ROBO2: variants seen among roughly 807,000 people sequenced by gnomAD.
The protein encoded by ROBO2 is roundabout guidance receptor 2, also known as roundabout homolog 2.
ROBO2 carries 53 observed loss-of-function variants against 160.8 expected under a neutral mutation model. That is an observed-to-expected ratio of 0.33 (90% CI 0.26 to 0.41). ROBO2 has a LOEUF of 0.41. Ranked by LOEUF, ROBO2 falls within the 10% of genes least tolerant of loss-of-function variation. ROBO2 has a pLI of 1.00. For missense variants in ROBO2, 1,577 were observed against 1,722.4 expected (o/e 0.92, Z 1.49); for synonymous variants, 664 against 611.7 (o/e 1.09, Z -1.26).
rs149267873 is a variant in ROBO2, at chr3:76,991,651, T to C, written c.110-106363T>C. On this transcript the variant is annotated intron_variant, in intron 2 of 26. Transcript: ENST00000487694. The stretch of plus-strand genomic sequence containing the variant: ...TTCAAAGAAAAAGTATTCTTTACCA[T>C]AGAAAATCTAGATAAAGCCCTAATG... Among the ~76,000 whole-genome samples, 882 of 152,308 alleles carry C rather than the reference T, an allele frequency of 5.8e-3. 5 individuals carry two copies. The highest frequency in any genetic ancestry group is 0.02 in the African/African-American group (851 of 41,570).
chr3:76,906,495 G>C (rs1305209204), intron 2 of ROBO2, among the ~76,000 whole-genome samples: 1 of 151,552 alleles, frequency 6.6e-6, no homozygotes, highest in Non-Finnish European at 1.5e-5. Flanking sequence ...GGTGGTATCT[G>C]ATAATAATAA....
intron 2 of ROBO2, among the ~76,000 whole-genome samples, chr3:76,618,393 AC>A (rs1387082204): frequency 1.7e-4 from 26 of 151,234 alleles, no homozygotes; most frequent in South Asian, 4.3e-4. Flanking sequence ...ACTTTTCCAC[AC>A]AAAGGAAATT....
intron 2 of ROBO2, among the ~76,000 whole-genome samples, chr3:76,075,325 C>T (rs934561366): frequency 1.3e-5 from 2 of 151,970 alleles, no homozygotes; most frequent in African/African-American, 4.8e-5. Flanking sequence ...GTAATAGCTA[C>T]AGCCTGAATG....
intron 2 of ROBO2, among the ~76,000 whole-genome samples, chr3:76,885,436 G>T (rs1056799489): frequency 8.5e-5 from 13 of 152,068 alleles, no homozygotes; most frequent in African/African-American, 2.9e-4. Context: ...GATATTATAA[G>T]ATTTCAAATA....
chr3:76,550,207 C>A (rs964375930), intron 2 of ROBO2, among the ~76,000 whole-genome samples: 4 of 152,196 alleles, frequency 2.6e-5, no homozygotes, highest in African/African-American at 7.2e-5. Context: ...AAAATGACCA[C>A]TTCTTGCTAA....
intron 2 of ROBO2, among the ~76,000 whole-genome samples, chr3:76,207,528 A>T (rs1365928506): frequency 6.6e-6 from 1 of 152,210 alleles, no homozygotes; most frequent in Non-Finnish European, 1.5e-5. Flanking sequence ...TTTAAAAATG[A>T]ATTTATCATT....
intron 2 of ROBO2, among the ~76,000 whole-genome samples, chr3:76,518,930 G>T (rs1028943801): frequency 6.6e-6 from 1 of 152,134 alleles, no homozygotes; most frequent in Non-Finnish European, 1.5e-5. Flanking sequence ...GGAGAAAGAC[G>T]TACAAACTCA....
At chr3:76,640,363 TC>T (rs1379666454) in intron 2 of ROBO2, among the ~76,000 whole-genome samples, 3 of 152,034 alleles carry the variant, frequency 2.0e-5, no homozygotes, top group Non-Finnish European at 2.9e-5. Flanking sequence ...AAACCTCGTC[TC>T]TACTAAAAAT....
chr3:77,038,670 A>T (rs962194499), upstream of ROBO2, among the ~76,000 whole-genome samples: 1 of 151,876 alleles, frequency 6.6e-6, no homozygotes, highest in Non-Finnish European at 1.5e-5. Context: ...CAAGCATCAA[A>T]CGGCTACCAG....
intron 2 of ROBO2, among the ~76,000 whole-genome samples, chr3:76,302,799 G>A (rs898658232): frequency 6.6e-5 from 10 of 151,962 alleles, no homozygotes; most frequent in East Asian, 1.9e-4. Flanking sequence ...GGGATCACCC[G>A]GTGATGCATG....
At chr3:76,296,934 C>G (rs1709105891) in intron 2 of ROBO2, among the ~76,000 whole-genome samples, 1 of 152,172 alleles carries the variant, frequency 6.6e-6, no homozygotes, top group African/African-American at 2.4e-5. Flanking sequence ...AACTACACAT[C>G]TCTTAAAACA....
intron 2 of ROBO2, among the ~76,000 whole-genome samples, chr3:76,714,832 C>T (rs1024212657): frequency 6.6e-6 from 1 of 152,138 alleles, no homozygotes; most frequent in Non-Finnish European, 1.5e-5. Flanking sequence ...TAGAGACTTA[C>T]GGTTCTGCCA....
At chr3:76,765,470 G>A (rs1352521276) in intron 2 of ROBO2, among the ~76,000 whole-genome samples, 1 of 151,550 alleles carries the variant, frequency 6.6e-6, no homozygotes, top group Non-Finnish European at 1.5e-5. Context: ...TTGAATCTGG[G>A]CAGGATCGTG....
At chr3:77,521,195 G>A (rs2090556043) in intron 5 of ROBO2, among the ~76,000 whole-genome samples, 1 of 151,130 alleles carries the variant, frequency 6.6e-6, no homozygotes, top group African/African-American at 2.4e-5. Context: ...AGGAGATAGA[G>A]ACCCAGAAAA....
chr3:77,044,227 C>G (rs2064392853), intron 1 of ROBO2, among the ~76,000 whole-genome samples: 2 of 151,516 alleles, frequency 1.3e-5, no homozygotes, highest in African/African-American at 4.9e-5. Context: ...CCCTGAGCAG[C>G]TTGTATAAAA....
intron 2 of ROBO2, among the ~76,000 whole-genome samples, chr3:76,314,877 G>A (rs2071876988): frequency 1.3e-5 from 2 of 151,954 alleles, no homozygotes; most frequent in African/African-American, 4.8e-5. Flanking sequence ...AGGGGTCAGT[G>A]GCTCTAACCC....
At chr3:77,021,655 A>G (rs2062646012) in intron 2 of ROBO2, among the ~76,000 whole-genome samples, 1 of 152,208 alleles carries the variant, frequency 6.6e-6, no homozygotes. Flanking sequence ...TTCAAATTTA[A>G]TTGCTGTTGT....
intron 2 of ROBO2, among the ~76,000 whole-genome samples, chr3:76,085,358 T>G (rs957041436): frequency 6.6e-6 from 1 of 152,148 alleles, no homozygotes; most frequent in Non-Finnish European, 1.5e-5. Context: ...TTACAAAAGC[T>G]AATTTATCAG....
chr3:76,395,656 C>T (rs1331598966), intron 2 of ROBO2, among the ~76,000 whole-genome samples: 2 of 152,044 alleles, frequency 1.3e-5, no homozygotes, highest in Non-Finnish European at 2.9e-5. Context: ...ACCGATCCCA[C>T]AGAAATACAA....
Sources: gnomAD v4.1 joint callset for allele counts (sites outside exome capture counted in the v4.1 genomes callset) on GRCh38, gnomAD v4.1.1 for gene constraint, MANE v1.5 for transcripts, NCBI Gene and HGNC (gene_info 2026-07-23, HGNC 2026-07-21) for gene names.